Variants in TREH observed in about 807,000 individuals in gnomAD.
TREH encodes alpha,alpha-trehalose glucohydrolase.
In TREH, 69 loss-of-function variants were observed where a neutral mutation model predicts 80.5. The observed-to-expected ratio is 0.86, with a 90% CI of 0.71 to 1.05. TREH has a LOEUF of 1.05. TREH is among the 50% of genes least tolerant of loss of function. The probability of loss-of-function intolerance (pLI) is 0.00; values close to 1 mark genes in which losing one functional copy is unlikely to be tolerated. For synonymous variants in TREH, 309 were observed against 293.5 expected (o/e 1.05, Z -0.54); for missense variants, 716 against 718.8 (o/e 1.00, Z 0.04).
rs1469567902 is a variant in TREH, at chr11:118,659,636, C to T, written c.1320+111G>A. 165 of 1,410,786 alleles carry T rather than the reference C, an allele frequency of 1.2e-4. No individual in the cohort carries two copies. The Middle Eastern group carries it at 1.7e-3, about 15-fold the overall frequency. 87.4% of individuals were successfully genotyped at this position (1,410,786 alleles called of 1,614,324 possible). ...CGGTGGCTCTGGTGGGACCCGCAGGCTGGGACAAGGGGCATAGCCGGAGGA... is the reference window on the plus strand; with the variant it reads ...CGGTGGCTCTGGTGGGACCCGCAGGTTGGGACAAGGGGCATAGCCGGAGGA... On this transcript the variant is annotated intron_variant, in intron 11 of 14. Coordinates refer to ENST00000264029, the MANE Select transcript of TREH (RefSeq NM_007180.3).
At chr11:118,673,229 T>G (rs1949446453) in intron 1 of TREH, among the ~76,000 whole-genome samples, 1 of 152,206 alleles carries the variant, frequency 6.6e-6, no homozygotes, top group South Asian at 2.1e-4. Context: ...GTGGTTCAAA[T>G]TGGTGGAGTA....
Position 118,661,458 on chromosome 11 carries a change from C to T in TREH, c.669G>A (p.Gln223=). The change falls in exon 7 of 15, where the codon CAG becomes CAA. Residue 223 remains glutamine, a synonymous_variant. Coordinates refer to ENST00000264029, the MANE Select transcript of TREH (RefSeq NM_007180.3). This position sits in a 1 kb window ranked among gnomAD's most constrained non-coding sequence, Gnocchi z 4.2. Reference sequence around the variant, plus strand: ...CCATCATGAGGGTCAAGAGTGGGGGCTGGCTCCGCTGCAGGTAGTACACGC... The same window carrying T: ...CCATCATGAGGGTCAAGAGTGGGGGTTGGCTCCGCTGCAGGTAGTACACGC... ...GGRVYYLQRS[Q]PPLLTLMMDC... 6.2e-7 allele frequency: 1 copy of T among 1,613,926 alleles called. No individual in the cohort carries two copies. Among genetic ancestry groups the T allele is most frequent in the South Asian group, 1.1e-5 (1 of 91,074 alleles).
In TREH at chr11:118,658,994, G is replaced by T; in HGVS notation, c.1456C>A (p.Arg486=). 1 of 1,613,772 alleles carries T rather than the reference G, an allele frequency of 6.2e-7. No individual in the cohort carries two copies. Among genetic ancestry groups the T allele is most frequent in the Non-Finnish European group, 8.5e-7 (1 of 1,179,866 alleles). The change falls in exon 13 of 15, where the codon CGG becomes AGG. Residue 486 remains arginine, a synonymous_variant. Coordinates refer to ENST00000264029, the MANE Select transcript of TREH (RefSeq NM_007180.3). ...AGCTGGAAAGCCACTTCCTGGGCCC[G>T]ACGTAAAGGTGCCTTGGCCAGGCCT... The part of the protein sequence containing the change: ...IRGLAKAPLR[R]AQEVAFQLAQ...
intron 11 of TREH, 77 bp downstream of exon 11, chr11:118,659,670 C>A (rs1340575399): frequency 6.6e-7 from 1 of 1,508,786 alleles, no homozygotes. Flanking sequence ...GAAGCGCCCT[C>A]CCCTGCAGGT....
At position 118,660,884 on chromosome 11, in the gene TREH, C is replaced by T. The variant is rs1555144830; in HGVS notation, c.889G>A (p.Ala297Thr). The change falls in exon 9 of 15, where the codon GCT becomes ACT. Residue 297 changes from alanine (A) to threonine (T), a missense_variant. Coordinates refer to ENST00000264029, the MANE Select transcript of TREH (RefSeq NM_007180.3). The part of the protein sequence containing the change: ...PESYSKDVEL[A>T]DTLPEGDREA... Reference sequence around the variant, plus strand: ...TGCTCACCTTCTGGCAAGGTGTCAGCCAACTCCACATCTTTGCTGTAGGAC... The same window carrying T: ...TGCTCACCTTCTGGCAAGGTGTCAGTCAACTCCACATCTTTGCTGTAGGAC... 7 of 1,571,374 alleles carry T rather than the reference C, an allele frequency of 4.5e-6. No homozygotes were observed. The highest frequency in any genetic ancestry group is 6.0e-6 in the Non-Finnish European group (7 of 1,157,726).
chr11:118,676,881 T>C (rs629574), intron 1 of TREH, among the ~76,000 whole-genome samples: 3 of 152,096 alleles, frequency 2.0e-5, no homozygotes, highest in African/African-American at 7.2e-5. Context: ...GAGGTTACTT[T>C]GGAGGAACCC....
chr11:118,659,269 CG>C (rs1257645931), intron 12 of TREH, 100 bp downstream of exon 12: 8 of 1,015,804 alleles, frequency 7.9e-6, no homozygotes, highest in Middle Eastern at 2.1e-4. Flanking sequence ...AGAAAGGATA[CG>C]GGGCCTCTTG....
At chr11:118,677,630 C>T (rs1434036319) in intron 1 of TREH, among the ~76,000 whole-genome samples, 3 of 152,160 alleles carry the variant, frequency 2.0e-5, no homozygotes, top group African/African-American at 7.2e-5. Flanking sequence ...GAGGCTGAGG[C>T]AGGAGAATCG....
chr11:118,663,555 G>A, intron 1 of TREH, 116 bp from the exon 2 acceptor site: 2 of 816,406 alleles, frequency 2.4e-6, no homozygotes, highest in South Asian at 1.6e-5. Context: ...ACTGGACAAG[G>A]GCTGTGTGTG....
In TREH at chr11:118,660,725, C is replaced by T. The variant is rs782607384; in HGVS notation, c.916G>A (p.Glu306Lys). 6 of 1,582,014 alleles carry T rather than the reference C, an allele frequency of 3.8e-6. No homozygotes were observed. Among genetic ancestry groups the T allele is most frequent in the Non-Finnish European group, 5.2e-6 (6 of 1,164,126 alleles). ...LADTLPEGDR[E>K]ALWAELKAGA... The stretch of plus-strand genomic sequence containing the variant: ...GCCTTGAGCTCAGCCCACAGAGCCT[C>T]CCGGTCTCCTGTGAGGACAGAGCAG... The change falls in exon 10 of 15, where the codon GAG becomes AAG. Residue 306 changes from glutamate to lysine, a missense_variant. Transcript: ENST00000264029.
intron 1 of TREH, among the ~76,000 whole-genome samples, chr11:118,675,499 G>A (rs1169193562): frequency 6.6e-6 from 1 of 152,058 alleles, no homozygotes; most frequent in Non-Finnish European, 1.5e-5. Context: ...CAACTCACAG[G>A]ACTCAGAAAA....
chr11:118,658,811 G>A, intron 13 of TREH, 78 bp from the exon 14 acceptor site: 5 of 1,610,382 alleles, frequency 3.1e-6, no homozygotes, highest in East Asian at 2.2e-5. Flanking sequence ...AGCCCCTGGG[G>A]AGAAGCTGCT....
Position 118,658,385 on chromosome 11 carries a change from G to A in TREH, c.1656C>T (p.Asp552=). 1 of 1,609,856 alleles carries A rather than the reference G, an allele frequency of 6.2e-7. No individual in the cohort carries two copies. Among genetic ancestry groups the A allele is most frequent in the South Asian group, 1.1e-5 (1 of 90,246 alleles). ...CCAGCTTGGCCCCTGAGGTCAGCCG[G>A]TCACCATAGCGGTCCAGCAGCATCA... ...VVLMLLDRYG[D]RLTSGAKLAF... Residue 552 remains aspartate (D), a synonymous_variant, in exon 15 of 15, where the codon GAC becomes GAT. Coordinates refer to ENST00000264029, the MANE Select transcript of TREH (RefSeq NM_007180.3).
chr11:118,662,869 G>A lies in TREH; in HGVS notation c.423+12C>T, dbSNP rs1555145236. The A allele has an allele frequency of 6.4e-7, 1 of 1,567,630 alleles. No homozygotes were observed. The highest frequency in any genetic ancestry group is 8.7e-7 in the Non-Finnish European group (1 of 1,155,994). On this transcript the variant is annotated intron_variant, in intron 4 of 14. Coordinates refer to ENST00000264029, the MANE Select transcript of TREH (RefSeq NM_007180.3). ...CTTGGTCAGGCCTTGGGCAGGCCCA[G>A]GACGCTGATACCTTCTTCCCCAGCT...
chr11:118,671,209 C>G (rs1211040113), intron 1 of TREH, among the ~76,000 whole-genome samples: 1 of 152,080 alleles, frequency 6.6e-6, no homozygotes, highest in African/African-American at 2.4e-5. Context: ...CCCATCAGAC[C>G]CTTAGGAATT....
Position 118,659,815 on chromosome 11 carries a change from G to A in TREH, c.1252C>T (p.Leu418Phe). 6.3e-7 allele frequency: 1 copy of A among 1,576,850 alleles called. No individual in the cohort carries two copies. The highest frequency in any genetic ancestry group is 8.6e-7 in the Non-Finnish European group (1 of 1,160,556). ...AAACACCCGGCCCAGAGTGGAGTGA[G>A]GTTGGATGGGTAAAACTCCCGGTTT... Reference protein sequence around the residue: ...KKNREFYPSNLTPLWAGCFSD... With the variant: ...KKNREFYPSNFTPLWAGCFSD... Residue 418 changes from leucine to phenylalanine, a missense_variant, in exon 11 of 15, where the codon CTC (leucine) becomes TTC (phenylalanine). Coordinates refer to ENST00000264029, the MANE Select transcript of TREH (RefSeq NM_007180.3).
At position 118,658,147 on chromosome 11, in the gene TREH, C is replaced by T. The variant is rs1949224653; in HGVS notation, c.*142G>A. On this transcript the variant is annotated 3_prime_UTR_variant, in exon 15 of 15. Coordinates refer to ENST00000264029, the MANE Select transcript of TREH (RefSeq NM_007180.3). The stretch of plus-strand genomic sequence containing the variant: ...GAGGGAGCTAGGCCCCTACCCATGA[C>T]CTCCAGGTCGTGACCCTGCCCTCCA... 1 of 1,205,506 alleles carries T rather than the reference C, an allele frequency of 8.3e-7. No homozygotes were observed. The highest frequency in any genetic ancestry group is 1.5e-5 in the South Asian group (1 of 65,244). The allele number at this position is 1,205,506 out of a possible 1,614,324, so 74.7% of individuals were successfully genotyped here. A position where few individuals can be genotyped will look rare whatever the true frequency, so the allele number is the denominator to read the frequency against.
At position 118,679,308 on chromosome 11, in the gene TREH, T is replaced by C. The variant is rs543413; in HGVS notation, c.89+231A>G. Among the ~76,000 whole-genome samples, 53,054 of 151,706 alleles carry C rather than the reference T, an allele frequency of 0.35. 9,574 individuals are homozygous for C. Among genetic ancestry groups the C allele is most frequent in the Admixed American group, 0.48 (7,253 of 15,234 alleles). ...GTGGAGATGGTGCCACTGTACTCCATCTGGACGACCGAGCAAGACTCTAAC... is the reference window on the plus strand; with the variant it reads ...GTGGAGATGGTGCCACTGTACTCCACCTGGACGACCGAGCAAGACTCTAAC... On this transcript the variant is annotated intron_variant, in intron 1 of 14. Transcript: ENST00000264029.
Position 118,658,935 on chromosome 11 carries a change from G to A in TREH, c.1515C>T (p.Val505=). 3.7e-6 allele frequency: 6 copies of A among 1,613,954 alleles called. No individual in the cohort carries two copies. Among genetic ancestry groups the A allele is most frequent in the Non-Finnish European group, 5.1e-6 (6 of 1,179,870 alleles). Residue 505 remains valine (V), a synonymous_variant, in exon 13 of 15, where the codon GTC becomes GTT. Transcript: ENST00000264029. ...CATACATGGCTGACTTCTGCGAGTA[G>A]ACATCAAAATTGGTTCGGATCCAAT... ...AQNWIRTNFD[V]YSQKSAMYEK...
Sources: allele counts gnomAD v4.1 joint callset (sites outside exome capture counted in the v4.1 genomes callset), GRCh38; gene constraint gnomAD v4.1.1; non-coding constraint Gnocchi (gnomAD v3.1); transcripts MANE v1.5; gene names NCBI Gene and HGNC (gene_info 2026-07-23, HGNC 2026-07-21).